ULK1: variants seen among roughly 807,000 people sequenced by gnomAD.
ULK1 encodes the protein serine/threonine-protein kinase ULK1.
A neutral mutation model predicts 117.5 loss-of-function variants in ULK1; 48 were observed. The ratio of observed to expected loss-of-function variants is 0.41; its 90% confidence interval spans 0.32 to 0.52. The LOEUF is 0.52. ULK1 is among the 20% of genes least tolerant of loss of function. The pLI, the probability that ULK1 is intolerant of heterozygous loss-of-function variation, is 0.29. For missense variants in ULK1, 1,387 were observed against 1,473.4 expected (o/e 0.94, Z 0.96); for synonymous variants, 790 against 637.8 (o/e 1.24, Z -3.60).
chr12:131,900,666 G>T (rs1174209939), intron 3 of ULK1, among the ~76,000 whole-genome samples: 1 of 152,268 alleles, frequency 6.6e-6, no homozygotes, highest in Non-Finnish European at 1.5e-5. Flanking sequence ...CATCTGACAG[G>T]TTCCTTGCAG....
intron 22 of ULK1, among the ~76,000 whole-genome samples, chr12:131,917,784 C>T (rs576167886): frequency 2.6e-5 from 4 of 152,306 alleles, no homozygotes; most frequent in South Asian, 2.1e-4. Context: ...AACCTGTGAG[C>T]GGTAGGCGCT....
rs1343858985 is a variant in ULK1 at position 131,917,471 on chromosome 12, G to A, written c.2243G>A (p.Ser748Asn). The change falls in exon 22 of 28, where the codon AGC becomes AAC. Residue 748 changes from serine (S) to asparagine (N), a missense_variant. Ser to Asn is a conservative substitution (Grantham distance 46). Around this residue, in one of 4 missense-constraint regions of ULK1, gnomAD observed 900 missense variants for 858.9 expected, o/e 1.05. Coordinates refer to ENST00000321867, the MANE Select transcript of ULK1 (RefSeq NM_003565.4). ...GGAGCCCGTGCTGGGGGCACCAGCA[G>A]CCCTTCCCCGGTGGTCTTCACCGTG... is the stretch of plus-strand genomic sequence containing the variant. ...HPGARAGGTS[S>N]PSPVVFTVGS... The A allele has an allele frequency of 3.9e-6, 6 of 1,524,812 alleles. No homozygotes were observed. Among genetic ancestry groups the A allele is most frequent in the Non-Finnish European group, 5.3e-6 (6 of 1,137,040 alleles). The allele number at this position is 1,524,812 out of a possible 1,614,324, so 94.5% of individuals were successfully genotyped here.
At chr12:131,915,469 G>A (rs537047361) in intron 18 of ULK1, 48 bp downstream of exon 18, 25 of 1,586,090 alleles carry the variant, frequency 1.6e-5, no homozygotes, top group East Asian at 9.0e-5. Flanking sequence ...GACCTCCCTC[G>A]CTCACGTTGT....
intron 3 of ULK1, 128 bp downstream of exon 3, chr12:131,895,952 C>A: frequency 8.3e-7 from 1 of 1,202,196 alleles, no homozygotes. Flanking sequence ...CTGGAGACTC[C>A]ACCCTGGGTC....
Position 131,909,860 on chromosome 12 carries a change from C to T in ULK1, c.725+27C>T. On this transcript the variant is annotated intron_variant, in intron 9 of 27. Coordinates refer to ENST00000321867, the MANE Select transcript of ULK1 (RefSeq NM_003565.4). ...TAAGCACCCTCCCGCCTTCCCTTCC[C>T]TTCCCCCGCGGGCTCCGGCCCCGCA... 5 of 1,610,806 alleles carry T rather than the reference C, an allele frequency of 3.1e-6. 1 individual carries two copies. Among genetic ancestry groups the T allele is most frequent in the Middle Eastern group, 1.7e-4 (1 of 6,050 alleles).
At position 131,909,991 on chromosome 12, in the gene ULK1, C is replaced by T. The variant is rs1429605184; in HGVS notation, c.798C>T (p.Arg266=). Residue 266 remains arginine (R), a synonymous_variant, in exon 10 of 28, where the codon CGC becomes CGT. Transcript: ENST00000321867. ...TACTGCAACGCAACCACAAGGACCG[C>T]ATGGACTTCGGTGAGCACCCACCAG... ...LALLQRNHKD[R]MDFDEFFHHP... 1 of 1,611,994 alleles carries T rather than the reference C, an allele frequency of 6.2e-7. No homozygotes were observed. The highest frequency in any genetic ancestry group is 8.5e-7 in the Non-Finnish European group (1 of 1,179,850).
chr12:131,920,338 G>A (rs1409019819), intron 26 of ULK1: 7 of 642,236 alleles, frequency 1.1e-5, no homozygotes, highest in Admixed American at 3.2e-5. Flanking sequence ...GATTGTACGG[G>A]TGCCGTGGCC....
chr12:131,901,380 A>T (rs1889083160), intron 3 of ULK1, among the ~76,000 whole-genome samples: 1 of 151,794 alleles, frequency 6.6e-6, no homozygotes, highest in Admixed American at 6.6e-5. Context: ...GAAAAAAATC[A>T]TGGGATAAAA....
intron 26 of ULK1, chr12:131,920,376 A>G: frequency 2.0e-6 from 1 of 508,996 alleles, no homozygotes; most frequent in Non-Finnish European, 3.5e-6. Flanking sequence ...GCCCCGACTC[A>G]GTTTCCCCAA....
intron 12 of ULK1, among the ~76,000 whole-genome samples, chr12:131,911,077 C>A (rs935764209): frequency 6.6e-6 from 1 of 152,194 alleles, no homozygotes; most frequent in African/African-American, 2.4e-5. Context: ...CAGCGTGTGG[C>A]CTTGGCCCAC....
At chr12:131,918,724 G>A (rs893734778) in intron 23 of ULK1, 43 bp downstream of exon 23, 2 of 1,269,118 alleles carry the variant, frequency 1.6e-6, no homozygotes, top group African/African-American at 1.5e-5. Flanking sequence ...TGGCTGGAGG[G>A]TGTGTGGGGT....
chr12:131,919,853 A>C, intron 25 of ULK1, 126 bp from the exon 26 acceptor site: 1 of 1,400,916 alleles, frequency 7.1e-7, no homozygotes, highest in Non-Finnish European at 9.6e-7. Flanking sequence ...CCTCAAGGCC[A>C]CGGGGAGCCA....
chr12:131,920,243 G>A (rs1440603695), intron 26 of ULK1, 107 bp downstream of exon 26: 2 of 1,412,962 alleles, frequency 1.4e-6, no homozygotes, highest in Non-Finnish European at 1.9e-6. Context: ...ACTTTGGGGG[G>A]TGTCACTTCT....
At position 131,895,079 on chromosome 12, in the gene ULK1, C is replaced by T. The variant is rs760434092; in HGVS notation, c.78C>T (p.Ala26=). The part of the protein sequence containing the change: ...FSRKDLIGHG[A]FAVVFKGRHR... ...GCAAGGACCTGATCGGCCACGGCGCCTTCGCGGTGGTCTTCAAGGGCCGCC... is the reference window on the plus strand; with the variant it reads ...GCAAGGACCTGATCGGCCACGGCGCTTTCGCGGTGGTCTTCAAGGGCCGCC... The change falls in exon 1 of 28, where the codon GCC becomes GCT. Residue 26 remains alanine (A), a synonymous_variant. Coordinates refer to ENST00000321867, the MANE Select transcript of ULK1 (RefSeq NM_003565.4). 2.5e-6 allele frequency: 4 copies of T among 1,578,788 alleles called. No individual in the cohort carries two copies. Among genetic ancestry groups the T allele is most frequent in the Admixed American group, 3.6e-5 (2 of 56,288 alleles).
At position 131,922,371 on chromosome 12, in the gene ULK1, A is replaced by G. The variant is rs570561774; in HGVS notation, c.*1010A>G. ...CAGGTGTGTGCCCAGCACCCTCCCT[A>G]CCTGGGCCTGGAAGCAGATGAGGGG... On this transcript the variant is annotated 3_prime_UTR_variant, in exon 28 of 28. Transcript: ENST00000321867. 15 of 244,074 alleles carry G rather than the reference A, an allele frequency of 6.1e-5. No individual in the cohort carries two copies. The highest frequency in any genetic ancestry group is 5.7e-4 in the South Asian group (14 of 24,530). 15.1% of individuals were successfully genotyped at this position (244,074 alleles called of 1,614,324 possible). A position where few individuals can be genotyped will look rare whatever the true frequency, so the allele number is the denominator to read the frequency against.
At chr12:131,913,079 C>G (rs1011775578) in intron 13 of ULK1, 119 bp from the exon 14 acceptor site, 3 of 934,868 alleles carry the variant, frequency 3.2e-6, no homozygotes, top group South Asian at 4.1e-5. Flanking sequence ...GGCCGCTGTA[C>G]GAGCTGAGGC....
In ULK1 at chr12:131,910,761, C is replaced by T; in HGVS notation, c.909C>T (p.Ser303=). The T allele has an allele frequency of 1.2e-6, 2 of 1,612,802 alleles. No homozygotes were observed. Among genetic ancestry groups the T allele is most frequent in the Non-Finnish European group, 1.7e-6 (2 of 1,179,920 alleles). ...PSYPSSGSGS[S]SSSSSTSHLA... ...ACCCAAGCTCGGGGTCCGGCAGCAG[C>T]TCCAGCAGCAGCTCCACCTCCCACC... Residue 303 remains serine, a synonymous_variant, in exon 12 of 28, where the codon AGC becomes AGT. Coordinates refer to ENST00000321867, the MANE Select transcript of ULK1 (RefSeq NM_003565.4).
chr12:131,895,409 C>T (rs1281851139), intron 1 of ULK1, among the ~76,000 whole-genome samples, 192 bp from the exon 2 acceptor site: 1 of 151,916 alleles, frequency 6.6e-6, no homozygotes, highest in Admixed American at 6.5e-5. Flanking sequence ...AACCTGGTCC[C>T]ACAGCCGGCT....
chr12:131,909,843 C>T lies in ULK1; in HGVS notation c.725+10C>T. 2 of 1,611,396 alleles carry T rather than the reference C, an allele frequency of 1.2e-6. No individual in the cohort carries two copies. Among genetic ancestry groups the T allele is most frequent in the Non-Finnish European group, 1.7e-6 (2 of 1,179,232 alleles). Reference sequence around the variant, plus strand: ...AGACGTTGGTCCCCACGTAAGCACCCTCCCGCCTTCCCTTCCCTTCCCCCG... The same window carrying T: ...AGACGTTGGTCCCCACGTAAGCACCTTCCCGCCTTCCCTTCCCTTCCCCCG... On this transcript the variant is annotated intron_variant, in intron 9 of 27. Transcript: ENST00000321867.
Sources: gnomAD v4.1 joint callset for allele counts (sites outside exome capture counted in the v4.1 genomes callset) on GRCh38, gnomAD v4.1.1 for gene constraint, gnomAD v4.1.1 regional missense constraint, MANE v1.5 for transcripts, NCBI Gene and HGNC (gene_info 2026-07-23, HGNC 2026-07-21) for gene names.